ADK: variants seen among roughly 807,000 people sequenced by gnomAD.
ADK encodes N6,N6-dimethyladenosine kinase.
Under a neutral mutation model 44.7 loss-of-function variants are expected in ADK, and 24 were observed. That is an observed-to-expected ratio of 0.54 (90% confidence interval 0.39 to 0.76). ADK has a LOEUF of 0.76. Ranked by LOEUF, ADK falls within the 30% of genes least tolerant of loss-of-function variation. ADK has a pLI of 0.00. For synonymous variants in ADK, 128 were observed against 142.6 expected (o/e 0.90, Z 0.73); for missense variants, 321 against 425.1 (o/e 0.76, Z 2.15).
At chr10:74,445,045 T>C (rs1235035274) in intron 6 of ADK, among the ~76,000 whole-genome samples, 1 of 152,028 alleles carries the variant, frequency 6.6e-6, no homozygotes, top group South Asian at 2.1e-4. Flanking sequence ...AAAACAAATA[T>C]AAACAATGGG....
chr10:74,651,427 G>T (rs1046616017), intron 9 of ADK, among the ~76,000 whole-genome samples: 16 of 152,094 alleles, frequency 1.1e-4, no homozygotes, highest in African/African-American at 3.9e-4. Flanking sequence ...TGGGAAAATT[G>T]TCCCATTCAG....
At chr10:74,165,417 G>A (rs1338258808) in intron 1 of ADK, among the ~76,000 whole-genome samples, 1 of 151,672 alleles carries the variant, frequency 6.6e-6, no homozygotes, top group East Asian at 1.9e-4. Flanking sequence ...ATAACTTACC[G>A]TTGCTCTAGG....
intron 10 of ADK, among the ~76,000 whole-genome samples, chr10:74,677,018 G>C (rs1402619240): frequency 6.6e-6 from 1 of 152,182 alleles, no homozygotes; most frequent in African/African-American, 2.4e-5. Flanking sequence ...GCCAAGGCAG[G>C]TGGACAGCTT....
chr10:74,630,212 T>C (rs188600542), intron 9 of ADK, among the ~76,000 whole-genome samples: 1 of 152,102 alleles, frequency 6.6e-6, no homozygotes, highest in African/African-American at 2.4e-5. Context: ...AGTTAATAAA[T>C]AGGTAGAATT....
intron 9 of ADK, among the ~76,000 whole-genome samples, chr10:74,666,473 C>G (rs1007434069): frequency 1.3e-5 from 2 of 151,930 alleles, no homozygotes; most frequent in Non-Finnish European, 2.9e-5. Flanking sequence ...ATTCCCAACC[C>G]TTTTCCTTCT....
At chr10:74,277,651 G>A (rs1054252179) in intron 3 of ADK, among the ~76,000 whole-genome samples, 2 of 151,646 alleles carry the variant, frequency 1.3e-5, no homozygotes, top group African/African-American at 4.8e-5. Flanking sequence ...CACCTGCCTC[G>A]GCCTCCCAAA....
At chr10:74,294,518 C>T (rs1839741871) in intron 3 of ADK, among the ~76,000 whole-genome samples, 1 of 152,140 alleles carries the variant, frequency 6.6e-6, no homozygotes, top group South Asian at 2.1e-4. Flanking sequence ...AACTCCTGAC[C>T]TCAGGTGATC....
chr10:74,351,269 C>T (rs554001236), intron 4 of ADK, among the ~76,000 whole-genome samples: 46 of 152,252 alleles, frequency 3.0e-4, no homozygotes, highest in South Asian at 6.2e-4. Context: ...GTTCAACATA[C>T]GCAAATCAAT....
intron 7 of ADK, among the ~76,000 whole-genome samples, chr10:74,560,658 T>C (rs1273466314): frequency 2.0e-5 from 3 of 152,228 alleles, no homozygotes; most frequent in Admixed American, 2.0e-4. Flanking sequence ...TTTATAAATA[T>C]TAGTTTTGTG....
intron 2 of ADK, among the ~76,000 whole-genome samples, chr10:74,202,281 G>T (rs888538258): frequency 6.6e-6 from 1 of 152,178 alleles, no homozygotes; most frequent in Non-Finnish European, 1.5e-5. Flanking sequence ...CCATGTTGTA[G>T]CATGTATCAG....
chr10:74,592,323 G>A (rs977131833), intron 8 of ADK, among the ~76,000 whole-genome samples: 1 of 151,954 alleles, frequency 6.6e-6, no homozygotes, highest in African/African-American at 2.4e-5. Flanking sequence ...CTTTTCTTGA[G>A]CCGAACTGAT....
At chr10:74,383,526 A>G (rs1843045941) in intron 4 of ADK, among the ~76,000 whole-genome samples, 1 of 152,140 alleles carries the variant, frequency 6.6e-6, no homozygotes, top group Non-Finnish European at 1.5e-5. Flanking sequence ...GAGGGAGGAA[A>G]AATATTTTCC....
chr10:74,544,579 G>C (rs1395281575), intron 7 of ADK, among the ~76,000 whole-genome samples: 1 of 152,114 alleles, frequency 6.6e-6, no homozygotes, highest in Admixed American at 6.5e-5. Context: ...AATAATAAGA[G>C]AGAAATAAGA....
At chr10:74,595,057 A>G (rs972907064) in intron 8 of ADK, among the ~76,000 whole-genome samples, 12 of 151,690 alleles carry the variant, frequency 7.9e-5, no homozygotes, top group Admixed American at 2.0e-4. Flanking sequence ...GATGCCTATA[A>G]TCCCAGCTAC....
At chr10:74,555,627 A>T (rs955535120) in intron 7 of ADK, among the ~76,000 whole-genome samples, 103 of 150,944 alleles carry the variant, frequency 6.8e-4, no homozygotes, top group African/African-American at 2.5e-3. Context: ...AAAAAAAAAA[A>T]TCTAAGTGGC....
intron 3 of ADK, among the ~76,000 whole-genome samples, chr10:74,300,461 C>A (rs1002917825): frequency 9.2e-5 from 14 of 151,918 alleles, no homozygotes; most frequent in African/African-American, 3.4e-4. Flanking sequence ...ACTGCAACTT[C>A]CACCTCCCTG....
At chr10:74,656,914 C>T (rs891418161) in intron 9 of ADK, among the ~76,000 whole-genome samples, 1 of 152,124 alleles carries the variant, frequency 6.6e-6, no homozygotes, top group Admixed American at 6.5e-5. Context: ...GGCTGGGGTG[C>T]GGTGGCACAA....
intron 10 of ADK, among the ~76,000 whole-genome samples, chr10:74,671,902 G>A (rs768761134): frequency 6.6e-6 from 1 of 152,110 alleles, no homozygotes; most frequent in Non-Finnish European, 1.5e-5. Context: ...TTCCTGGCCC[G>A]GCAACAACAG....
At chr10:74,287,063 T>A (rs1183843992) in intron 3 of ADK, among the ~76,000 whole-genome samples, 1 of 152,056 alleles carries the variant, frequency 6.6e-6, no homozygotes, top group East Asian at 1.9e-4. Flanking sequence ...CAAGTAGGAA[T>A]TGAAAAGATG....
Sources: gnomAD v4.1 joint callset for allele counts (sites outside exome capture counted in the v4.1 genomes callset) on GRCh38, gnomAD v4.1.1 for gene constraint, MANE v1.5 for transcripts, NCBI Gene and HGNC (gene_info 2026-07-23, HGNC 2026-07-21) for gene names.